The following ANKFN1 variants were observed in gnomAD, a reference collection of about 807,000 sequenced individuals.
ANKFN1 encodes ankyrin repeat and fibronectin type III domain containing 1.
In ANKFN1, 74 loss-of-function variants were observed where a neutral mutation model predicts 108.7. The ratio of observed to expected loss-of-function variants is 0.68; its 90% CI spans 0.56 to 0.83. ANKFN1 has a LOEUF of 0.83. Among genes scored for constraint, ANKFN1 ranks in the 40% least tolerant of loss-of-function variants. The pLI, the probability that ANKFN1 is intolerant of heterozygous loss-of-function variation, is 0.00. For missense variants in ANKFN1, 1,505 were observed against 1,382.3 expected (o/e 1.09, Z -1.41); for synonymous variants, 547 against 516.2 (o/e 1.06, Z -0.81).
chr17:56,425,125 G>T (rs930715768), intron 8 of ANKFN1, among the ~76,000 whole-genome samples: 1 of 140,628 alleles, frequency 7.1e-6, no homozygotes, highest in Non-Finnish European at 1.5e-5. Context: ...ACAGCTCTTA[G>T]TTAAAAAAAA....
chr17:56,219,731 G>A (rs1190652400), intron 2 of ANKFN1, among the ~76,000 whole-genome samples: 1 of 152,088 alleles, frequency 6.6e-6, no homozygotes, highest in East Asian at 1.9e-4. Flanking sequence ...ATTGTTTTGG[G>A]AGTCAGTTTT....
intron 4 of ANKFN1, among the ~76,000 whole-genome samples, chr17:56,350,331 T>C (rs1186668145): frequency 2.6e-5 from 4 of 152,124 alleles, no homozygotes; most frequent in Admixed American, 2.6e-4. Context: ...CACTTTCTTA[T>C]ATACCCAACA....
chr17:56,189,860 T>C (rs540510098), intron 1 of ANKFN1, among the ~76,000 whole-genome samples: 1 of 152,274 alleles, frequency 6.6e-6, no homozygotes, highest in African/African-American at 2.4e-5. Context: ...GTGGTTTCAA[T>C]GGAACAAAAT....
Position 56,510,790 on chromosome 17 carries a change from T to C in ANKFN1, c.2962T>C (p.Ser988Pro), listed in dbSNP as rs1173301221. ...ACCCAAGAACCACGCCAAGACTGTG[T>C]CCGGTGGGCGGCCCCCGCTAGGCTT... ...FTPKNHAKTV[S>P]GGRPPLGFLG... The change falls in exon 21 of 21, where the codon TCC becomes CCC. Residue 988 changes from serine to proline, a missense_variant. Ser to Pro is a moderately conservative substitution (Grantham distance 74). Coordinates refer to ENST00000682825, the MANE Select transcript of ANKFN1 (RefSeq NM_001370326.1). The C allele has an allele frequency of 6.5e-7, 1 of 1,536,070 alleles. No homozygotes were observed. Among genetic ancestry groups the C allele is most frequent in the African/African-American group, 1.4e-5 (1 of 73,164 alleles).
At chr17:56,212,997 A>C (rs1450643218) in intron 2 of ANKFN1, among the ~76,000 whole-genome samples, 2 of 152,230 alleles carry the variant, frequency 1.3e-5, no homozygotes, top group Admixed American at 1.3e-4. Context: ...GCAGCCTCAC[A>C]TCTGAAGTTC....
intron 1 of ANKFN1, among the ~76,000 whole-genome samples, chr17:56,171,264 T>G (rs956856785): frequency 6.6e-6 from 1 of 152,144 alleles, no homozygotes; most frequent in Non-Finnish European, 1.5e-5. Flanking sequence ...AGTGAGGGAC[T>G]AGTGCTGGGG....
At chr17:56,128,198 G>C (rs190608633) in intron 4 of ANKFN1, among the ~76,000 whole-genome samples, 40 of 151,404 alleles carry the variant, frequency 2.6e-4, no homozygotes, top group Admixed American at 2.4e-3. Context: ...GAGCCTAAGG[G>C]GTTTGTTTTT....
intron 8 of ANKFN1, among the ~76,000 whole-genome samples, chr17:56,433,008 T>C (rs1328950970): frequency 1.3e-5 from 2 of 152,190 alleles, no homozygotes; most frequent in Non-Finnish European, 1.5e-5. Flanking sequence ...ATATAGATTA[T>C]ATGTGCATAT....
chr17:56,453,329 A>G (rs2049560217), intron 11 of ANKFN1, among the ~76,000 whole-genome samples: 1 of 152,018 alleles, frequency 6.6e-6, no homozygotes, highest in Non-Finnish European at 1.5e-5. Flanking sequence ...TTATATGATT[A>G]TTTTCCTTTC....
intron 1 of ANKFN1, among the ~76,000 whole-genome samples, chr17:56,180,380 A>G (rs1911579127): frequency 6.6e-6 from 1 of 152,168 alleles, no homozygotes; most frequent in East Asian, 1.9e-4. Flanking sequence ...CTGTAAGCCC[A>G]TTCTTACCTC....
At chr17:56,097,540 T>G (rs1233930127) in intron 4 of ANKFN1, among the ~76,000 whole-genome samples, 2 of 152,252 alleles carry the variant, frequency 1.3e-5, no homozygotes, top group African/African-American at 4.8e-5. Context: ...TCTAGGCTTA[T>G]CTGCACATCT....
At chr17:56,126,930 A>G (rs1342956728) in intron 4 of ANKFN1, among the ~76,000 whole-genome samples, 1 of 152,248 alleles carries the variant, frequency 6.6e-6, no homozygotes, top group Non-Finnish European at 1.5e-5. Context: ...TTAAAATTAA[A>G]TGGGATAAAT....
intron 1 of ANKFN1, among the ~76,000 whole-genome samples, chr17:56,176,648 G>T (rs146571291): frequency 2.1e-4 from 32 of 152,250 alleles, no homozygotes; most frequent in African/African-American, 7.2e-4. Context: ...TTGGCCCAAG[G>T]TACTCAAAGC....
intron 18 of ANKFN1, among the ~76,000 whole-genome samples, chr17:56,485,742 T>A (rs1311090313): frequency 2.0e-5 from 3 of 152,224 alleles, no homozygotes; most frequent in Non-Finnish European, 2.9e-5. Flanking sequence ...ATGGGACCTA[T>A]TAATAATCCA....
chr17:56,179,318 A>C (rs1911459505), intron 1 of ANKFN1, among the ~76,000 whole-genome samples: 1 of 151,890 alleles, frequency 6.6e-6, no homozygotes, highest in South Asian at 2.1e-4. Flanking sequence ...TGGAAAACAA[A>C]CTCTCCTGTG....
intron 3 of ANKFN1, among the ~76,000 whole-genome samples, chr17:56,267,888 G>A (rs375619956): frequency 5.9e-5 from 9 of 151,806 alleles, no homozygotes; most frequent in African/African-American, 2.2e-4. Context: ...CTCTTTTTTG[G>A]TTCCATAGGA....
At chr17:56,399,240 TA>T (rs2047676500) in intron 8 of ANKFN1, among the ~76,000 whole-genome samples, 1 of 151,976 alleles carries the variant, frequency 6.6e-6, no homozygotes. Context: ...CCATATAAAA[TA>T]AAATAATAAA....
chr17:56,298,644 C>A (rs1473973873), intron 3 of ANKFN1, among the ~76,000 whole-genome samples: 3 of 151,906 alleles, frequency 2.0e-5, no homozygotes, highest in African/African-American at 7.3e-5. Flanking sequence ...CAGAAACAAG[C>A]AAATAGTTGT....
intron 3 of ANKFN1, among the ~76,000 whole-genome samples, chr17:56,301,081 A>C (rs1282821353): frequency 6.6e-6 from 1 of 152,236 alleles, no homozygotes; most frequent in Non-Finnish European, 1.5e-5. Context: ...AGCTTGGTGA[A>C]GATGACATTC....
Sources: gnomAD v4.1 joint callset for allele counts (sites outside exome capture counted in the v4.1 genomes callset) on GRCh38, gnomAD v4.1.1 for gene constraint, MANE v1.5 for transcripts, NCBI Gene and HGNC (gene_info 2026-07-23, HGNC 2026-07-21) for gene names.